CNOT1: variants seen among roughly 807,000 people sequenced by gnomAD.
CNOT1 encodes CCR4-NOT transcription complex subunit 1, also known as CCR4-associated factor 1.
CNOT1 carries 15 observed loss-of-function variants against 273.8 expected under a neutral mutation model. That is an observed-to-expected ratio of 0.05 (90% CI 0.04 to 0.08). The LOEUF (loss-of-function observed/expected upper bound fraction) is 0.08, where lower values mean the gene tolerates loss of function less well. Ranked by LOEUF, CNOT1 falls within the 10% of genes least tolerant of loss-of-function variation. The pLI is 1.00. For missense variants in CNOT1, 1,644 were observed against 2,912.2 expected, an observed-to-expected ratio of 0.56 and a Z score of 10.02; for synonymous variants, 1,022 against 1,005.5, an observed-to-expected ratio of 1.02 and a Z score of -0.31.
chr16:58,540,484 A>G (rs1369190868), intron 34 of CNOT1, among the ~76,000 whole-genome samples: 1 of 152,252 alleles, frequency 6.6e-6, no homozygotes, highest in African/African-American at 2.4e-5. Flanking sequence ...TAATTAGCCT[A>G]TAATATTCAG....
intron 1 of CNOT1, among the ~76,000 whole-genome samples, chr16:58,600,983 T>A (rs1340252544): frequency 6.6e-6 from 1 of 152,150 alleles, no homozygotes; most frequent in African/African-American, 2.4e-5. Flanking sequence ...TGAGACAGTT[T>A]CACTCTTGTT....
In CNOT1 at chr16:58,597,122, T is replaced by C. The variant is rs11865788; in HGVS notation, c.102+2114A>G. Among the ~76,000 whole-genome samples the C allele has an allele frequency of 4.2e-3, 623 of 147,736 alleles. 4 individuals carry two copies. The highest frequency in any genetic ancestry group is 0.014 in the African/African-American group (582 of 40,530). On this transcript the variant is annotated intron_variant, in intron 2 of 48. Transcript: ENST00000317147. Reference sequence around the variant, plus strand: ...AAGAAAAAAAAAAAAAAGGACTAAGTAGCTTAAATAGCTTTGAAGGACAAT... The same window carrying C: ...AAGAAAAAAAAAAAAAAGGACTAAGCAGCTTAAATAGCTTTGAAGGACAAT...
intron 2 of CNOT1, chr16:58,597,671 T>A: frequency 2.0e-6 from 1 of 495,724 alleles, no homozygotes; most frequent in Admixed American, 2.2e-5. Context: ...GCAGGAACCA[T>A]ACAAGGACTC....
Position 58,528,465 on chromosome 16 carries a change from G to T in CNOT1, c.6453+10C>A. On this transcript the variant is annotated intron_variant, in intron 44 of 48. Transcript: ENST00000317147. ...GACATAAGTTTTCCTTTAACTAGTT[G>T]GAACCTTACCTTTAGATTAGGAGTG... 1 of 1,603,086 alleles carries T rather than the reference G, an allele frequency of 6.2e-7. No individual in the cohort carries two copies. Among genetic ancestry groups the T allele is most frequent in the Non-Finnish European group, 8.5e-7 (1 of 1,171,634 alleles).
chr16:58,618,316 G>A (rs2043168923), intron 1 of CNOT1, among the ~76,000 whole-genome samples: 3 of 152,192 alleles, frequency 2.0e-5, no homozygotes, highest in Admixed American at 2.0e-4. Flanking sequence ...GGGCACGGCA[G>A]CTCACACCTG....
At chr16:58,589,836 T>G (rs143228890) in intron 2 of CNOT1, among the ~76,000 whole-genome samples, 1 of 152,336 alleles carries the variant, frequency 6.6e-6, no homozygotes, top group African/African-American at 2.4e-5. Context: ...TGTTTCTATT[T>G]GTTATTCTTT....
At position 58,615,705 on chromosome 16, in the gene CNOT1, T is replaced by C. The variant is rs961015103; in HGVS notation, c.-175+14023A>G. Among the ~76,000 whole-genome samples, 7 of 125,566 alleles carry C rather than the reference T, an allele frequency of 5.6e-5. 1 individual carries two copies. The highest frequency in any genetic ancestry group is 1.9e-4 in the African/African-American group (7 of 37,272). The allele number at this position is 125,566 out of a possible 152,430, so 82.4% of individuals were successfully genotyped here. A position where few individuals can be genotyped will look rare whatever the true frequency, so the allele number is the denominator to read the frequency against. On this transcript the variant is annotated intron_variant, in intron 1 of 48. Transcript: ENST00000317147. The stretch of plus-strand genomic sequence containing the variant: ...AAATGAACATTTTTAGAAGTTACTC[T>C]TGATGATGGGAAATACCAAGAAAGG...
Position 58,551,277 on chromosome 16 carries a change from A to G in CNOT1, c.3202-5T>C, listed in dbSNP as rs780252748. On this transcript the variant is annotated splice_region_variant and splice_polypyrimidine_tract_variant and intron_variant, in intron 23 of 48. Transcript: ENST00000317147. ...ATTTGTAGTATTAATAGAAGGCTAA[A>G]AAAAAAAAATAAAGTACATAAGGCA... is the stretch of plus-strand genomic sequence containing the variant. 1.3e-6 allele frequency: 2 copies of G among 1,558,594 alleles called. No individual in the cohort carries two copies. The highest frequency in any genetic ancestry group is 2.2e-5 in the Admixed American group (1 of 44,808).
At position 58,575,060 on chromosome 16, in the gene CNOT1, G is replaced by A; in HGVS notation, c.1774C>T (p.Arg592Cys). Residue 592 changes from arginine (R) to cysteine (C), a missense_variant, in exon 15 of 49, where the codon CGT (arginine) becomes TGT (cysteine). By Grantham distance (180) the Arg-to-Cys change is radical. Transcript: ENST00000317147. ...CACTTATCAAGTTTGAGGTATTCAC[G>A]ACGTGAAGCAAGTGCAGCAAGGTCA... ...VIDLAALASR[R>C]EYLKLDKWLT... The A allele has an allele frequency of 1.2e-6, 2 of 1,614,068 alleles. No homozygotes were observed. Among genetic ancestry groups the A allele is most frequent in the Non-Finnish European group, 8.5e-7 (1 of 1,180,006 alleles).
intron 6 of CNOT1, 44 bp from the exon 7 acceptor site, chr16:58,586,792 A>G (rs2041888066): frequency 2.6e-5 from 41 of 1,593,992 alleles, no homozygotes; most frequent in Non-Finnish European, 3.4e-5. Context: ...CTTTTGCACC[A>G]CAATGGGTTA....
rs530676343 is a variant in CNOT1 at position 58,574,473 on chromosome 16, G to A, written c.1979+136C>T. 6.4e-5 allele frequency: 50 copies of A among 779,506 alleles called. No individual in the cohort carries two copies. The East Asian group carries it at 1.4e-3, about 22-fold the overall frequency. The allele number at this position is 779,506 out of a possible 1,614,324, so 48.3% of individuals were successfully genotyped here. Reference sequence around the variant, plus strand: ...ATGGATCTAGTATGTATCATAAATAGTATAGGACTTTGGACTTAAAACCAT... The same window carrying A: ...ATGGATCTAGTATGTATCATAAATAATATAGGACTTTGGACTTAAAACCAT... On this transcript the variant is annotated intron_variant, in intron 16 of 48. Coordinates refer to ENST00000317147, the MANE Select transcript of CNOT1 (RefSeq NM_016284.5).
In CNOT1 at chr16:58,545,516, A is replaced by G. The variant is rs201703201; in HGVS notation, c.4007-25T>C. 5.1e-4 allele frequency: 827 copies of G among 1,612,392 alleles called. 1 individual carries two copies. The highest frequency in any genetic ancestry group is 8.2e-4 in the Admixed American group (49 of 59,596). ...GCTAAATGTCAAGTAATAAAAAGAG[A>G]TTTAAAAAGTACATTTGTTGACTTT... is the stretch of plus-strand genomic sequence containing the variant. On this transcript the variant is annotated intron_variant, in intron 29 of 48. Coordinates refer to ENST00000317147, the MANE Select transcript of CNOT1 (RefSeq NM_016284.5).
chr16:58,592,986 A>G (rs1182161656), intron 2 of CNOT1, among the ~76,000 whole-genome samples: 1 of 152,174 alleles, frequency 6.6e-6, no homozygotes, highest in East Asian at 1.9e-4. Flanking sequence ...TACCCTCAAC[A>G]TACTCCTCAC....
At chr16:58,606,087 A>G (rs1444242634) in intron 1 of CNOT1, among the ~76,000 whole-genome samples, 3 of 152,142 alleles carry the variant, frequency 2.0e-5, no homozygotes, top group African/African-American at 7.2e-5. Flanking sequence ...ATATCAAAAA[A>G]TTTACCAACA....
At chr16:58,523,905 T>G (rs1450315963) in intron 46 of CNOT1, 2 of 166,072 alleles carry the variant, frequency 1.2e-5, no homozygotes, top group African/African-American at 4.8e-5. Flanking sequence ...AATTCAACTG[T>G]ACACTCATGA....
chr16:58,542,757 T>C (rs919475356), intron 31 of CNOT1, among the ~76,000 whole-genome samples, 189 bp from the exon 32 acceptor site: 15 of 152,118 alleles, frequency 9.9e-5, no homozygotes, highest in Non-Finnish European at 1.9e-4. Flanking sequence ...GACAAAAATA[T>C]CCTAGACACC....
Position 58,555,540 on chromosome 16 carries a change from G to A in CNOT1, c.2605-3C>T. On this transcript the variant is annotated splice_region_variant and splice_polypyrimidine_tract_variant and intron_variant, in intron 20 of 48. Coordinates refer to ENST00000317147, the MANE Select transcript of CNOT1 (RefSeq NM_016284.5). ...AATCTCTGCAGCATTTCTAATACCT[G>A]GAAAAGCAAGACAAAAACAACGCAC... 1 of 1,609,320 alleles carries A rather than the reference G, an allele frequency of 6.2e-7. No homozygotes were observed. The highest frequency in any genetic ancestry group is 2.2e-5 in the East Asian group (1 of 44,828).
intron 2 of CNOT1, among the ~76,000 whole-genome samples, chr16:58,595,987 T>C (rs2042236804): frequency 6.6e-6 from 1 of 152,246 alleles, no homozygotes; most frequent in Non-Finnish European, 1.5e-5. Flanking sequence ...GGCAGTCTTG[T>C]GCTTTTCTTT....
At chr16:58,541,728 TACAACATATA>T in intron 33 of CNOT1, 108 bp from the exon 34 acceptor site, 2 of 1,054,636 alleles carry the variant, frequency 1.9e-6, no homozygotes, top group Non-Finnish European at 2.8e-6. Context: ...CAAGAGTCAT[TACAACATATA>T]ACAGCATGAT....
Sources: allele counts gnomAD v4.1 joint callset (sites outside exome capture counted in the v4.1 genomes callset), GRCh38; gene constraint gnomAD v4.1.1; transcripts MANE v1.5; gene names NCBI Gene and HGNC (gene_info 2026-07-23, HGNC 2026-07-21).